ADK: variants seen among roughly 807,000 people sequenced by gnomAD.
The protein encoded by ADK is N6,N6-dimethyladenosine kinase.
ADK carries 24 observed loss-of-function variants against 44.7 expected under a neutral mutation model. The observed-to-expected ratio is 0.54, with a 90% confidence interval of 0.39 to 0.76. The LOEUF (loss-of-function observed/expected upper bound fraction) is 0.76. Among genes scored for constraint, ADK ranks in the 30% least tolerant of loss-of-function variants. The probability of loss-of-function intolerance (pLI) is 0.00; values close to 1 mark genes in which losing one functional copy is unlikely to be tolerated. For synonymous variants in ADK, 128 were observed against 142.6 expected (o/e 0.90, Z 0.73); for missense variants, 321 against 425.1 (o/e 0.76, Z 2.15).
In ADK at chr10:74,511,219, A is replaced by G. The variant is rs527841359; in HGVS notation, c.556-14037A>G. 2.4e-4 allele frequency among the ~76,000 whole-genome samples: 36 copies of G among 152,200 alleles called. No individual in the cohort carries two copies. The South Asian group carries it at 6.8e-3, about 29-fold the overall frequency. ...GTTCTCTATGCCTTTCCATTGGTCT[A>G]TATGTCTGTTTTTATGCTGGTACCA... On this transcript the variant is annotated intron_variant, in intron 6 of 10. Transcript: ENST00000539909.
At chr10:74,358,349 AT>A (rs1842212521) in intron 4 of ADK, among the ~76,000 whole-genome samples, 4 of 152,200 alleles carry the variant, frequency 2.6e-5, no homozygotes. Flanking sequence ...GACTTCTAAA[AT>A]TTACTGTGAT....
intron 10 of ADK, among the ~76,000 whole-genome samples, chr10:74,681,255 C>A (rs1855589415): frequency 1.3e-5 from 2 of 152,206 alleles, no homozygotes; most frequent in South Asian, 4.2e-4. Flanking sequence ...GAGATCTTAT[C>A]TGAATCAGAA....
At chr10:74,704,425 G>A (rs1181317974) in intron 10 of ADK, among the ~76,000 whole-genome samples, 1 of 152,018 alleles carries the variant, frequency 6.6e-6, no homozygotes, top group Non-Finnish European at 1.5e-5. Flanking sequence ...TTAAATATAA[G>A]CTCCCTTTGT....
At chr10:74,487,930 T>G (rs1023532743) in intron 6 of ADK, among the ~76,000 whole-genome samples, 1 of 152,070 alleles carries the variant, frequency 6.6e-6, no homozygotes, top group African/African-American at 2.4e-5. Context: ...ATTTAATCTT[T>G]TAAGAAGGAG....
chr10:74,606,165 C>T (rs1392786859), intron 9 of ADK, among the ~76,000 whole-genome samples: 1 of 152,058 alleles, frequency 6.6e-6, no homozygotes, highest in Non-Finnish European at 1.5e-5. Context: ...AGCAGTCTAT[C>T]TATTTTGTTA....
chr10:74,706,720 ACCTAGGT>A (rs1409351665), intron 10 of ADK, among the ~76,000 whole-genome samples: 1 of 152,178 alleles, frequency 6.6e-6, no homozygotes, highest in African/African-American at 2.4e-5. Context: ...GTTTTTGCTA[ACCTAGGT>A]CCTTTGAATT....
intron 7 of ADK, among the ~76,000 whole-genome samples, chr10:74,525,795 T>C (rs1469692415): frequency 1.3e-5 from 2 of 151,992 alleles, no homozygotes; most frequent in Non-Finnish European, 2.9e-5. Flanking sequence ...GCTGGGGTTA[T>C]AGGCGCATGC....
chr10:74,309,099 G>A (rs929086356), intron 3 of ADK, among the ~76,000 whole-genome samples: 3 of 151,556 alleles, frequency 2.0e-5, no homozygotes, highest in Non-Finnish European at 4.4e-5. Context: ...TTATTTTTTC[G>A]TGTTAGATAA....
chr10:74,684,297 A>G (rs1357470260), intron 10 of ADK, among the ~76,000 whole-genome samples: 1 of 152,220 alleles, frequency 6.6e-6, no homozygotes, highest in Non-Finnish European at 1.5e-5. Flanking sequence ...CTTGTTAAAT[A>G]TATGAATTTA....
At chr10:74,552,449 A>C (rs1422959048) in intron 7 of ADK, among the ~76,000 whole-genome samples, 1 of 152,156 alleles carries the variant, frequency 6.6e-6, no homozygotes, top group Non-Finnish European at 1.5e-5. Context: ...TGAGGGTAGA[A>C]GAGGGATTGA....
chr10:74,333,923 T>C (rs1841320304), intron 4 of ADK, among the ~76,000 whole-genome samples: 1 of 152,164 alleles, frequency 6.6e-6, no homozygotes, highest in Non-Finnish European at 1.5e-5. Context: ...AGGGAAGATT[T>C]ACTTTTTTCT....
Position 74,227,329 on chromosome 10 carries a change from A to C in ADK, c.194+2738A>C, listed in dbSNP as rs146646075. Among the ~76,000 whole-genome samples the C allele has an allele frequency of 1.9e-3, 295 of 152,370 alleles. 3 individuals carry two copies. The highest frequency in any genetic ancestry group is 6.8e-3 in the African/African-American group (284 of 41,588). On this transcript the variant is annotated intron_variant, in intron 3 of 10. Coordinates refer to ENST00000539909, the MANE Select transcript of ADK (RefSeq NM_006721.4). ...TGTAAAAATGTGTTGGCACCATCACATTGACCTGCTCTTTGAAAATTAACC... is the reference window on the plus strand; with the variant it reads ...TGTAAAAATGTGTTGGCACCATCACCTTGACCTGCTCTTTGAAAATTAACC...
intron 3 of ADK, among the ~76,000 whole-genome samples, chr10:74,293,839 A>G (rs1839715237): frequency 6.6e-6 from 1 of 152,210 alleles, no homozygotes; most frequent in South Asian, 2.1e-4. Context: ...TCATAAGTGT[A>G]CAGCTGAAAG....
intron 1 of ADK, among the ~76,000 whole-genome samples, chr10:74,161,058 C>A (rs12573590): frequency 0.018 from 2,712 of 152,244 alleles, 41 homozygotes; most frequent in Non-Finnish European, 0.026. Context: ...TTATACTTTG[C>A]GTTATTGCAA....
chr10:74,687,197 A>G (rs921278792), intron 10 of ADK, among the ~76,000 whole-genome samples: 4 of 152,236 alleles, frequency 2.6e-5, no homozygotes, highest in Admixed American at 1.3e-4. Context: ...AAGTATAGCC[A>G]GATGGTGATT....
intron 4 of ADK, among the ~76,000 whole-genome samples, chr10:74,324,807 A>G (rs932684455): frequency 6.6e-6 from 1 of 152,186 alleles, no homozygotes. Flanking sequence ...TTAATTTCTT[A>G]AGGAACCTCC....
At chr10:74,540,353 T>G (rs1849585014) in intron 7 of ADK, among the ~76,000 whole-genome samples, 1 of 152,220 alleles carries the variant, frequency 6.6e-6, no homozygotes, top group African/African-American at 2.4e-5. Context: ...TCAGTTACTG[T>G]ACTATAAATT....
At chr10:74,306,651 C>T (rs188612486) in intron 3 of ADK, among the ~76,000 whole-genome samples, 8 of 152,048 alleles carry the variant, frequency 5.3e-5, no homozygotes, top group Non-Finnish European at 1.0e-4. Context: ...GAGGCTGATA[C>T]GGAGTGAGGG....
intron 9 of ADK, among the ~76,000 whole-genome samples, chr10:74,643,173 A>C (rs1853932359): frequency 6.6e-6 from 1 of 152,162 alleles, no homozygotes; most frequent in Non-Finnish European, 1.5e-5. Context: ...TGAAAGGGAC[A>C]GAGGGGTCAT....
Sources: allele counts gnomAD v4.1 joint callset (sites outside exome capture counted in the v4.1 genomes callset), GRCh38; gene constraint gnomAD v4.1.1; transcripts MANE v1.5; gene names NCBI Gene and HGNC (gene_info 2026-07-23, HGNC 2026-07-21).